Variants in PRORP observed in about 807,000 individuals in gnomAD.
The protein encoded by PRORP is protein only RNase P catalytic subunit.
A neutral mutation model predicts 59.4 loss-of-function variants in PRORP; 51 were observed. The observed-to-expected ratio is 0.86, with a 90% CI of 0.69 to 1.08. PRORP has a LOEUF of 1.08. PRORP is among the 50% of genes least tolerant of loss of function. PRORP has a pLI of 0.00. For missense variants in PRORP, 646 were observed against 690.3 expected (o/e 0.94, Z 0.72); for synonymous variants, 231 against 245.6 (o/e 0.94, Z 0.55).
chr14:35,189,811 T>TA (rs761227204), intron 5 of PRORP, among the ~76,000 whole-genome samples: 2 of 152,116 alleles, frequency 1.3e-5, no homozygotes, highest in Admixed American at 6.6e-5. Context: ...AAAATTTTTT[T>TA]AAAAAATAAG....
chr14:35,224,406 A>G (rs1308779683), intron 5 of PRORP, among the ~76,000 whole-genome samples: 1 of 152,188 alleles, frequency 6.6e-6, no homozygotes, highest in East Asian at 1.9e-4. Context: ...TTGAATACTC[A>G]TAGCAAGTGG....
chr14:35,215,032 A>G (rs963344295), intron 5 of PRORP, among the ~76,000 whole-genome samples: 1 of 152,130 alleles, frequency 6.6e-6, no homozygotes, highest in Non-Finnish European at 1.5e-5. Context: ...GCAAGATCAG[A>G]AAAATAAGCT....
intron 6 of PRORP, among the ~76,000 whole-genome samples, chr14:35,269,987 A>G (rs1225902718): frequency 1.3e-5 from 2 of 152,226 alleles, no homozygotes. Flanking sequence ...GGTGGCTTGC[A>G]AGAAAGTCTC....
chr14:35,203,963 AG>A (rs2049226658), intron 5 of PRORP, among the ~76,000 whole-genome samples: 1 of 152,220 alleles, frequency 6.6e-6, no homozygotes, highest in African/African-American at 2.4e-5. Context: ...GAACATCCTA[AG>A]GTTATTTATT....
chr14:35,151,768 C>T (rs2047756468), intron 4 of PRORP, among the ~76,000 whole-genome samples: 1 of 151,888 alleles, frequency 6.6e-6, no homozygotes, highest in South Asian at 2.1e-4. Flanking sequence ...ACTGTTGTAT[C>T]CTCATAACTC....
chr14:35,153,915 TTATA>T (rs1011683288), intron 4 of PRORP, among the ~76,000 whole-genome samples: 33 of 152,298 alleles, frequency 2.2e-4, no homozygotes, highest in African/African-American at 6.7e-4. Context: ...AAGCAAATGT[TTATA>T]TAAGGGTTAT....
At chr14:35,229,799 T>C (rs2050026611) in intron 5 of PRORP, among the ~76,000 whole-genome samples, 1 of 152,190 alleles carries the variant, frequency 6.6e-6, no homozygotes. Context: ...TTCACTGGAT[T>C]TTTTTCAAAC....
intron 5 of PRORP, among the ~76,000 whole-genome samples, chr14:35,208,149 C>CAA (rs746541203): frequency 7.4e-6 from 1 of 135,958 alleles, no homozygotes; most frequent in Non-Finnish European, 1.6e-5. Flanking sequence ...GACTCCATCT[C>CAA]AAAAAAAAAA....
intron 5 of PRORP, among the ~76,000 whole-genome samples, chr14:35,216,508 TA>T (rs1305187167): frequency 6.6e-5 from 10 of 152,106 alleles, no homozygotes; most frequent in African/African-American, 2.2e-4. Context: ...GAGGTCTCAC[TA>T]GGTTGTCCAC....
At chr14:35,195,614 T>C (rs1038655587) in intron 5 of PRORP, among the ~76,000 whole-genome samples, 1 of 152,128 alleles carries the variant, frequency 6.6e-6, no homozygotes, top group Non-Finnish European at 1.5e-5. Flanking sequence ...CTAAAATAAA[T>C]CTTTAATGGT....
chr14:35,144,555 C>T (rs1165480116), intron 4 of PRORP: 1 of 145,516 alleles, frequency 6.9e-6, no homozygotes, highest in Admixed American at 7.2e-5. Context: ...TATGGTATGG[C>T]GTTTTGGTAG....
chr14:35,228,097 C>T (rs969418517), intron 5 of PRORP, among the ~76,000 whole-genome samples: 3 of 152,076 alleles, frequency 2.0e-5, no homozygotes, highest in Non-Finnish European at 2.9e-5. Context: ...GAGCCAAGAT[C>T]GCGCCACTGC....
chr14:35,130,607 C>T (rs1327608970), intron 4 of PRORP, among the ~76,000 whole-genome samples: 1 of 151,516 alleles, frequency 6.6e-6, no homozygotes, highest in African/African-American at 2.4e-5. Context: ...TCTTACCCTC[C>T]CAAGTAGCTA....
At chr14:35,201,310 GCCCTCAGTTAAAGAGCTGGCGGGAGGAGT>G (rs2049142131) in intron 5 of PRORP, among the ~76,000 whole-genome samples, 1 of 152,150 alleles carries the variant, frequency 6.6e-6, no homozygotes, top group Admixed American at 6.6e-5. Flanking sequence ...ACTATGTGCA[GCCCTCAGTTAAAGAGCTGGCGGGAGGAGT>G]TATGTTTCAC....
At chr14:35,186,250 T>G (rs2048739547) in intron 5 of PRORP, among the ~76,000 whole-genome samples, 1 of 151,730 alleles carries the variant, frequency 6.6e-6, no homozygotes, top group Non-Finnish European at 1.5e-5. Flanking sequence ...CCCAAAGTGT[T>G]GGGATTACAG....
chr14:35,164,804 T>C (rs532141607), intron 4 of PRORP, among the ~76,000 whole-genome samples: 1 of 152,270 alleles, frequency 6.6e-6, no homozygotes, highest in African/African-American at 2.4e-5. Flanking sequence ...TCATTAGACA[T>C]ATCCAGGTGA....
At chr14:35,250,543 C>G (rs2050589520) in intron 5 of PRORP, among the ~76,000 whole-genome samples, 1 of 152,184 alleles carries the variant, frequency 6.6e-6, no homozygotes, top group African/African-American at 2.4e-5. Context: ...GAGTGCCAGA[C>G]TAGCTGAATA....
intron 6 of PRORP, among the ~76,000 whole-genome samples, chr14:35,268,616 G>T (rs2051107400): frequency 6.6e-6 from 1 of 152,074 alleles, no homozygotes; most frequent in Admixed American, 6.6e-5. Context: ...ATTTTATTGA[G>T]ACGGAGTCTC....
chr14:35,193,035 TTCTCTCTCATTC>T (rs2048922927), intron 5 of PRORP, among the ~76,000 whole-genome samples: 1 of 152,052 alleles, frequency 6.6e-6, no homozygotes, highest in Non-Finnish European at 1.5e-5. Flanking sequence ...ATGCTGCATT[TTCTCTCTCATTC>T]TCTCTTCCCC....
Sources: allele counts gnomAD v4.1 joint callset (sites outside exome capture counted in the v4.1 genomes callset), GRCh38; gene constraint gnomAD v4.1.1; transcripts MANE v1.5; gene names NCBI Gene and HGNC (gene_info 2026-07-23, HGNC 2026-07-21).